OR51B5: variants seen among roughly 807,000 people sequenced by gnomAD.
The protein encoded by OR51B5 is olfactory receptor family 51 subfamily B member 5.
For missense variants in OR51B5, 456 were observed against 374.6 expected (o/e 1.22, Z -1.79); for synonymous variants, 186 against 144.8 (o/e 1.28, Z -2.04).
intron 1 of OR51B5, among the ~76,000 whole-genome samples, chr11:5,426,295 A>T (rs958228519): frequency 6.6e-6 from 1 of 152,216 alleles, no homozygotes; most frequent in African/African-American, 2.4e-5. Context: ...TGGTGCACAC[A>T]TAACACTATG....
chr11:5,354,303 T>C (rs548103737), intron 1 of OR51B5, among the ~76,000 whole-genome samples: 1 of 152,332 alleles, frequency 6.6e-6, no homozygotes, highest in South Asian at 2.1e-4. Context: ...ACTCACCCTC[T>C]AGGTCCAGTG....
exon 1 of OR51B5, chr11:5,342,708 T>A: frequency 1.2e-6 from 2 of 1,613,928 alleles, no homozygotes; most frequent in East Asian, 2.2e-5. Context: ...TAGCTCATAA[T>A]GAGGTGAACA....
intron 1 of OR51B5, among the ~76,000 whole-genome samples, chr11:5,500,199 T>C (rs1851697871): frequency 6.6e-6 from 1 of 152,234 alleles, no homozygotes; most frequent in East Asian, 1.9e-4. Context: ...GCCCTGCTTC[T>C]TTGCTCTTGC....
chr11:5,434,879 G>A (rs1345998482), intron 1 of OR51B5, among the ~76,000 whole-genome samples: 1 of 152,130 alleles, frequency 6.6e-6, no homozygotes, highest in Non-Finnish European at 1.5e-5. Flanking sequence ...CCCTATAAAG[G>A]CCAGCAGCCA....
intron 1 of OR51B5, among the ~76,000 whole-genome samples, chr11:5,494,258 A>C (rs1851618456): frequency 6.6e-6 from 1 of 152,202 alleles, no homozygotes. Flanking sequence ...CCACGTTTGC[A>C]TGTCTCATGG....
intron 1 of OR51B5, among the ~76,000 whole-genome samples, chr11:5,485,916 G>A (rs947685418): frequency 6.6e-6 from 1 of 152,110 alleles, no homozygotes; most frequent in Non-Finnish European, 1.5e-5. Context: ...TTAAAGATGT[G>A]ATAGTTTTTT....
chr11:5,419,690 C>T (rs149904451), intron 1 of OR51B5, among the ~76,000 whole-genome samples: 2 of 152,188 alleles, frequency 1.3e-5, no homozygotes, highest in Admixed American at 6.5e-5. Flanking sequence ...AACAACCTCT[C>T]ACATCGAGAA....
At chr11:5,432,661 T>A (rs1001365511) in intron 1 of OR51B5, among the ~76,000 whole-genome samples, 1 of 152,222 alleles carries the variant, frequency 6.6e-6, no homozygotes, top group African/African-American at 2.4e-5. Flanking sequence ...TTTAGATTTT[T>A]TGTAGGATAA....
chr11:5,505,642 G>A (rs908830868), exon 1 of OR51B5: 38 of 393,324 alleles, frequency 9.7e-5, no homozygotes, highest in African/African-American at 7.9e-4. Context: ...AATGGCAGCA[G>A]GCAAAAAGAG....
intron 1 of OR51B5, among the ~76,000 whole-genome samples, chr11:5,437,490 A>G (rs1479388511): frequency 6.6e-6 from 1 of 152,188 alleles, no homozygotes; most frequent in Non-Finnish European, 1.5e-5. Flanking sequence ...AGTTACTACA[A>G]GTTAAGGGTC....
intron 1 of OR51B5, chr11:5,403,124 C>G (rs1417838953): frequency 2.1e-6 from 1 of 471,372 alleles, no homozygotes; most frequent in South Asian, 1.5e-5. Flanking sequence ...GGCCACAATG[C>G]CCTCTCACAT....
intron 1 of OR51B5, among the ~76,000 whole-genome samples, chr11:5,362,051 A>C (rs894955213): frequency 2.6e-5 from 4 of 152,234 alleles, no homozygotes; most frequent in African/African-American, 9.6e-5. Context: ...ACAATGCTTT[A>C]AATTGCTGCA....
At chr11:5,367,493 A>G (rs1018250551) in intron 1 of OR51B5, among the ~76,000 whole-genome samples, 5 of 152,272 alleles carry the variant, frequency 3.3e-5, no homozygotes, top group African/African-American at 1.2e-4. Context: ...TGATGTTGCC[A>G]TGGCATTTCT....
chr11:5,352,674 T>C (rs1849117817), intron 1 of OR51B5, among the ~76,000 whole-genome samples: 1 of 152,102 alleles, frequency 6.6e-6, no homozygotes, highest in Non-Finnish European at 1.5e-5. Context: ...ATCTCAGTGC[T>C]CAACTGATAT....
chr11:5,496,543 T>C (rs544408988), intron 1 of OR51B5, among the ~76,000 whole-genome samples: 1 of 152,132 alleles, frequency 6.6e-6, no homozygotes, highest in Non-Finnish European at 1.5e-5. Flanking sequence ...CTGCCAAGAA[T>C]CCCCTTCCTA....
At chr11:5,373,595 C>T (rs952492158) in intron 1 of OR51B5, among the ~76,000 whole-genome samples, 14 of 152,144 alleles carry the variant, frequency 9.2e-5, no homozygotes, top group Admixed American at 3.3e-4. Context: ...GGGTGACATA[C>T]GGCACCTGGA....
chr11:5,371,491 T>C (rs1003726798), intron 1 of OR51B5, among the ~76,000 whole-genome samples: 1 of 152,112 alleles, frequency 6.6e-6, no homozygotes, highest in Non-Finnish European at 1.5e-5. Context: ...AGAGTACTGA[T>C]ATTAAAAATA....
chr11:5,367,121 C>T (rs1432219983), intron 1 of OR51B5, among the ~76,000 whole-genome samples: 1 of 152,190 alleles, frequency 6.6e-6, no homozygotes, highest in East Asian at 1.9e-4. Flanking sequence ...CACACATACA[C>T]ATGCCACCTT....
intron 1 of OR51B5, among the ~76,000 whole-genome samples, chr11:5,503,215 C>T (rs1353679190): frequency 6.6e-6 from 1 of 152,126 alleles, no homozygotes; most frequent in Non-Finnish European, 1.5e-5. Context: ...AACTATTTAT[C>T]AAAGATGCAT....
Sources: allele counts gnomAD v4.1 joint callset (sites outside exome capture counted in the v4.1 genomes callset), GRCh38; gene constraint gnomAD v4.1.1; transcripts MANE v1.5; gene names NCBI Gene and HGNC (gene_info 2026-07-23, HGNC 2026-07-21).